Variants in LSAMP observed in about 807,000 individuals in gnomAD.
LSAMP encodes limbic system-associated membrane protein.
A neutral mutation model predicts 38.6 loss-of-function variants in LSAMP; 7 were observed. That is an observed-to-expected ratio of 0.18 (90% CI 0.10 to 0.34). The LOEUF is 0.34. Among genes scored for constraint, LSAMP ranks in the 10% least tolerant of loss-of-function variants. The pLI is 1.00. For missense variants in LSAMP, 313 were observed against 420.0 expected (o/e 0.75, Z 2.23); for synonymous variants, 154 against 166.8 (o/e 0.92, Z 0.59).
chr3:115,952,773 T>C (rs1454785160), intron 3 of LSAMP, among the ~76,000 whole-genome samples: 1 of 152,216 alleles, frequency 6.6e-6, no homozygotes, highest in Non-Finnish European at 1.5e-5. Context: ...GTATAGGGCC[T>C]GATCTCTTGC....
At chr3:116,109,273 C>T (rs569432255) in intron 1 of LSAMP, among the ~76,000 whole-genome samples, 196 of 152,136 alleles carry the variant, frequency 1.3e-3, no homozygotes, top group African/African-American at 3.7e-3. Flanking sequence ...AACTGTAAGC[C>T]GGACCAGGTG....
At chr3:116,431,397 T>C (rs2049279847) in intron 1 of LSAMP, among the ~76,000 whole-genome samples, 1 of 152,138 alleles carries the variant, frequency 6.6e-6, no homozygotes, top group African/African-American at 2.4e-5. Context: ...TGTTGGCTTC[T>C]AGTGATCACT....
chr3:115,896,632 G>A (rs1936735508), intron 3 of LSAMP, among the ~76,000 whole-genome samples: 2 of 151,944 alleles, frequency 1.3e-5, no homozygotes, highest in Non-Finnish European at 2.9e-5. Flanking sequence ...TCAAAACTGT[G>A]CCTTGCTTTT....
chr3:116,390,739 CAAAAAAAA>C (rs60344430), intron 1 of LSAMP, among the ~76,000 whole-genome samples: 1 of 55,998 alleles, frequency 1.8e-5, no homozygotes. Context: ...GACTCCGCCT[CAAAAAAAA>C]AAAAAAAAAA....
chr3:115,845,007 G>A (rs1935109730), intron 4 of LSAMP, among the ~76,000 whole-genome samples: 1 of 152,128 alleles, frequency 6.6e-6, no homozygotes, highest in African/African-American at 2.4e-5. Flanking sequence ...ACCCAAGGCA[G>A]GGAAGTGCAT....
At chr3:116,443,265 A>G (rs1309629652) in intron 1 of LSAMP, among the ~76,000 whole-genome samples, 1 of 152,200 alleles carries the variant, frequency 6.6e-6, no homozygotes, top group African/African-American at 2.4e-5. Flanking sequence ...CAAACAGATA[A>G]ATTACTCTGT....
At chr3:116,025,352 A>G (rs2107695531) in intron 2 of LSAMP, among the ~76,000 whole-genome samples, 1 of 152,028 alleles carries the variant, frequency 6.6e-6, no homozygotes, top group Admixed American at 6.6e-5. Context: ...TAAGGAATTG[A>G]CCTTTTGTTG....
Position 115,808,944 on chromosome 3 carries a change from T to TCCCATTG in LSAMP, c.*1372_*1373insCAATGGG, listed in dbSNP as rs1455766466. On this transcript the variant is annotated 3_prime_UTR_variant, in exon 7 of 7. Transcript: ENST00000490035. The stretch of plus-strand genomic sequence containing the variant: ...AGGAAACAATCTCTGCTCAGGGGAA[T>TCCCATTG]TCATGGGACAAATGTTATTTAAGAT... 18 of 152,284 alleles carry TCCCATTG rather than the reference T, an allele frequency of 1.2e-4. No individual in the cohort carries two copies. Among genetic ancestry groups the TCCCATTG allele is most frequent in the African/African-American group, 3.9e-4 (16 of 41,552 alleles). 9.4% of individuals were successfully genotyped at this position (152,284 alleles called of 1,614,324 possible).
At chr3:116,233,518 A>G (rs1001221930) in intron 1 of LSAMP, among the ~76,000 whole-genome samples, 3 of 151,868 alleles carry the variant, frequency 2.0e-5, no homozygotes, top group Admixed American at 1.3e-4. Flanking sequence ...TGAAATACAC[A>G]TTAAATTACT....
chr3:115,997,026 TA>T (rs766265489), intron 3 of LSAMP, among the ~76,000 whole-genome samples: 3 of 152,156 alleles, frequency 2.0e-5, no homozygotes, highest in Non-Finnish European at 2.9e-5. Context: ...CTGTTAGCCA[TA>T]AGAGTTACTT....
At chr3:115,990,766 CGA>C (rs1559910882) in intron 3 of LSAMP, among the ~76,000 whole-genome samples, 1 of 152,010 alleles carries the variant, frequency 6.6e-6, no homozygotes, top group African/African-American at 2.4e-5. Flanking sequence ...AGAAACAAAA[CGA>C]GGTCTTAGGA....
chr3:116,194,064 A>G (rs1341930154), intron 1 of LSAMP, among the ~76,000 whole-genome samples: 1 of 152,186 alleles, frequency 6.6e-6, no homozygotes, highest in Non-Finnish European at 1.5e-5. Context: ...AGTTAACGCA[A>G]TCCGACTCCT....
intron 3 of LSAMP, among the ~76,000 whole-genome samples, chr3:115,878,556 G>A (rs934913324): frequency 7.0e-6 from 1 of 142,586 alleles, no homozygotes; most frequent in South Asian, 2.2e-4. Flanking sequence ...CCGCTTCCTG[G>A]CTTCAAGCGA....
rs139931590 is a variant in LSAMP, at chr3:116,395,036, C to A, written c.155+49841G>T. On this transcript the variant is annotated intron_variant, in intron 1 of 6. Transcript: ENST00000490035. ...GCTCTCATTTCTACAGTTGTTTTCC[C>A]CTTTGCAACCACTGTTCCTCTCTAT... is the stretch of plus-strand genomic sequence containing the variant. Among the ~76,000 whole-genome samples, 434 of 152,276 alleles carry A rather than the reference C, an allele frequency of 2.9e-3. 2 individuals are homozygous for A. The highest frequency in any genetic ancestry group is 9.9e-3 in the African/African-American group (413 of 41,568).
At chr3:116,241,746 G>T (rs1242045996) in intron 1 of LSAMP, among the ~76,000 whole-genome samples, 1 of 152,134 alleles carries the variant, frequency 6.6e-6, no homozygotes, top group East Asian at 1.9e-4. Context: ...TGAGGGTTGG[G>T]TGCATCTACA....
chr3:115,986,676 T>C (rs954280193), intron 3 of LSAMP, among the ~76,000 whole-genome samples: 1 of 148,314 alleles, frequency 6.7e-6, no homozygotes, highest in Non-Finnish European at 1.5e-5. Context: ...AGATGGCAGA[T>C]CCAGGAGCCA....
At chr3:116,075,605 A>G (rs908448401) in intron 2 of LSAMP, among the ~76,000 whole-genome samples, 5 of 149,960 alleles carry the variant, frequency 3.3e-5, no homozygotes, top group Admixed American at 6.6e-5. Flanking sequence ...GCAGTGGCAC[A>G]ATCTCGGCTC....
intron 3 of LSAMP, among the ~76,000 whole-genome samples, chr3:115,881,037 A>AAATAAATAAAT (rs1936307788): frequency 7.0e-6 from 1 of 142,894 alleles, no homozygotes; most frequent in South Asian, 2.3e-4. Flanking sequence ...CTCTGTCTCA[A>AAATAAATAAAT]AAATAAATAA....
chr3:116,226,258 C>T (rs1222563541), intron 1 of LSAMP, among the ~76,000 whole-genome samples: 1 of 152,188 alleles, frequency 6.6e-6, no homozygotes, highest in Non-Finnish European at 1.5e-5. Flanking sequence ...AAGTTCTTTC[C>T]TCAGATAATA....
Sources: allele counts gnomAD v4.1 joint callset (sites outside exome capture counted in the v4.1 genomes callset), GRCh38; gene constraint gnomAD v4.1.1; transcripts MANE v1.5; gene names NCBI Gene and HGNC (gene_info 2026-07-23, HGNC 2026-07-21).